MKLN1: variants seen among roughly 807,000 people sequenced by gnomAD.
The protein encoded by MKLN1 is muskelin 1, also known as muskelin.
MKLN1 carries 18 observed loss-of-function variants against 99.0 expected under a neutral mutation model. The observed-to-expected ratio is 0.18, with a 90% CI of 0.13 to 0.27. MKLN1 has a LOEUF of 0.27. Among genes scored for constraint, MKLN1 ranks in the 10% least tolerant of loss-of-function variants. The probability of loss-of-function intolerance (pLI) is 1.00; values close to 1 mark genes in which losing one functional copy is unlikely to be tolerated. For synonymous variants in MKLN1, 288 were observed against 293.2 expected, an observed-to-expected ratio of 0.98 and a Z score of 0.18; for missense variants, 621 against 875.9, an observed-to-expected ratio of 0.71 and a Z score of 3.67.
chr7:131,279,108 G>A (rs1416177313), intron 3 of MKLN1, among the ~76,000 whole-genome samples: 1 of 152,218 alleles, frequency 6.6e-6, no homozygotes. Context: ...TTTCAGACAT[G>A]AGGCTAGAGC....
chr7:131,413,828 C>T (rs113687354), intron 7 of MKLN1, among the ~76,000 whole-genome samples: 5 of 152,134 alleles, frequency 3.3e-5, no homozygotes, highest in East Asian at 1.9e-4. Flanking sequence ...TTTGAGCCAC[C>T]GCGCCCGGCC....
chr7:131,338,421 AATAGGTGAC>A (rs1376699537), intron 1 of MKLN1, among the ~76,000 whole-genome samples: 1 of 152,224 alleles, frequency 6.6e-6, no homozygotes, highest in Non-Finnish European at 1.5e-5. Context: ...CCATTAAAGA[AATAGGTGAC>A]ATGTCTTGAA....
At chr7:131,166,195 CAG>C (rs1454477941) in intron 2 of MKLN1, among the ~76,000 whole-genome samples, 1 of 152,052 alleles carries the variant, frequency 6.6e-6, no homozygotes, top group Non-Finnish European at 1.5e-5. Context: ...GGAGTATTGA[CAG>C]AGCTTGGCGA....
chr7:131,156,333 C>G (rs1795963381), intron 2 of MKLN1, among the ~76,000 whole-genome samples: 1 of 150,552 alleles, frequency 6.6e-6, no homozygotes, highest in Admixed American at 6.7e-5. Flanking sequence ...CGAGACCATC[C>G]TGGCAAACAC....
At chr7:131,282,188 A>G (rs1437542781) in intron 3 of MKLN1, among the ~76,000 whole-genome samples, 1 of 151,790 alleles carries the variant, frequency 6.6e-6, no homozygotes, top group African/African-American at 2.4e-5. Flanking sequence ...CATCTCTACT[A>G]AAAATACAAA....
At chr7:131,380,527 G>GTATAAAATT (rs1360380549) in intron 2 of MKLN1, among the ~76,000 whole-genome samples, 1 of 152,106 alleles carries the variant, frequency 6.6e-6, no homozygotes, top group Non-Finnish European at 1.5e-5. Context: ...CTGAAATTTA[G>GTATAAAATT]TATACTTTAT....
At chr7:131,377,964 A>G (rs778253080) in intron 2 of MKLN1, among the ~76,000 whole-genome samples, 22 of 152,226 alleles carry the variant, frequency 1.4e-4, no homozygotes, top group African/African-American at 1.9e-4. Flanking sequence ...TTATTACTCA[A>G]ATATAACTGG....
intron 4 of MKLN1, among the ~76,000 whole-genome samples, chr7:131,390,643 A>G (rs200330548): frequency 1.3e-5 from 2 of 152,144 alleles, no homozygotes; most frequent in East Asian, 3.8e-4. Flanking sequence ...AAATCAAGCT[A>G]ATTAACATAT....
In MKLN1 at chr7:131,297,078, C is replaced by T. The variant is rs1414710453; in HGVS notation, c.-178-78346C>T. 9.9e-5 allele frequency among the ~76,000 whole-genome samples: 15 copies of T among 150,804 alleles called. No homozygotes were observed. The East Asian group carries it at 1.4e-3, about 14-fold the overall frequency. On this transcript the variant is annotated intron_variant, in intron 3 of 7. Transcript: ENST00000416992. ...TAAAAAGATATATATACAGGCTGGG[C>T]GTGGTGGCTCACGCCTGTAATCCCA...
chr7:131,223,559 G>A (rs1169913401), intron 3 of MKLN1, among the ~76,000 whole-genome samples: 1 of 152,068 alleles, frequency 6.6e-6, no homozygotes, highest in Non-Finnish European at 1.5e-5. Flanking sequence ...TTTTTCTGTG[G>A]CTCTTTCATG....
chr7:131,241,432 G>C (rs1797401365), intron 3 of MKLN1, among the ~76,000 whole-genome samples: 1 of 150,928 alleles, frequency 6.6e-6, no homozygotes, highest in African/African-American at 2.4e-5. Context: ...GCAGCCCAGG[G>C]GCGGTGGCTC....
At chr7:131,177,379 A>AATC (rs1341195132) in intron 2 of MKLN1, among the ~76,000 whole-genome samples, 2 of 25,836 alleles carry the variant, frequency 7.7e-5, no homozygotes, top group Non-Finnish European at 1.5e-4. Context: ...GAGGCAGAAG[A>AATC]ATCGCTTGAA....
At chr7:131,438,311 A>G (rs996109289) in intron 10 of MKLN1, among the ~76,000 whole-genome samples, 4 of 151,918 alleles carry the variant, frequency 2.6e-5, no homozygotes, top group African/African-American at 9.7e-5. Context: ...AACAATAACA[A>G]CTTACCCTTT....
At chr7:131,325,899 G>A (rs1798875678), upstream of MKLN1, among the ~76,000 whole-genome samples, 1 of 135,366 alleles carries the variant, frequency 7.4e-6, no homozygotes, top group Non-Finnish European at 1.6e-5. Flanking sequence ...AAGGAGAAAA[G>A]TGGGGGGGGG....
chr7:131,449,234 A>G (rs1289971902), intron 12 of MKLN1, among the ~76,000 whole-genome samples: 1 of 152,240 alleles, frequency 6.6e-6, no homozygotes, highest in Non-Finnish European at 1.5e-5. Context: ...GTTCAGAAAT[A>G]GTGGGACTGG....
chr7:131,166,097 T>G (rs961163642), intron 2 of MKLN1, among the ~76,000 whole-genome samples: 2 of 39,656 alleles, frequency 5.0e-5, no homozygotes, highest in Admixed American at 3.5e-4. Flanking sequence ...CCTGGGAGAC[T>G]CTGTTTCAAA....
At chr7:131,244,408 C>T (rs879749161) in intron 3 of MKLN1, among the ~76,000 whole-genome samples, 1 of 152,150 alleles carries the variant, frequency 6.6e-6, no homozygotes, top group African/African-American at 2.4e-5. Flanking sequence ...TTCAGCAGGG[C>T]TCCTCTGAAG....
In MKLN1 at chr7:131,371,305, T is replaced by A. The variant is rs551726098; in HGVS notation, c.99-4119T>A. Among the ~76,000 whole-genome samples the A allele has an allele frequency of 3.9e-5, 6 of 152,304 alleles. No homozygotes were observed. In the South Asian group the frequency reaches 1.2e-3, roughly 32 times the overall value. On this transcript the variant is annotated intron_variant, in intron 1 of 17. Transcript: ENST00000352689. ...TATTTACACTTTCTAGGTTTTCATTTTCTTTATCTTTGGCATTCTTCGGTT... is the reference window on the plus strand; with the variant it reads ...TATTTACACTTTCTAGGTTTTCATTATCTTTATCTTTGGCATTCTTCGGTT...
chr7:131,143,158 CCT>C (rs1337910037), intron 2 of MKLN1, among the ~76,000 whole-genome samples: 1 of 152,122 alleles, frequency 6.6e-6, no homozygotes, highest in Non-Finnish European at 1.5e-5. Context: ...CACATTTTCT[CCT>C]CTGTTTCATG....
Sources: allele counts gnomAD v4.1 joint callset (sites outside exome capture counted in the v4.1 genomes callset), GRCh38; gene constraint gnomAD v4.1.1; transcripts MANE v1.5; gene names NCBI Gene and HGNC (gene_info 2026-07-23, HGNC 2026-07-21).